Variants in WDR49 observed in about 807,000 individuals in gnomAD.
WDR49 encodes the protein cilia- and flagella-associated protein 337.
Under a neutral mutation model 119.5 loss-of-function variants are expected in WDR49, and 107 were observed. The ratio of observed to expected loss-of-function variants is 0.90; its 90% confidence interval spans 0.77 to 1.05. WDR49 has a LOEUF of 1.05. Ranked by LOEUF, WDR49 falls within the 50% of genes least tolerant of loss-of-function variation. WDR49 has a pLI of 0.00. For synonymous variants in WDR49, 425 were observed against 418.8 expected, an observed-to-expected ratio of 1.01 and a Z score of -0.18; for missense variants, 1,240 against 1,220.5, an observed-to-expected ratio of 1.02 and a Z score of -0.24.
chr3:167,562,435 C>T (rs978817721), intron 8 of WDR49, among the ~76,000 whole-genome samples: 4 of 152,086 alleles, frequency 2.6e-5, no homozygotes, highest in African/African-American at 9.7e-5. Flanking sequence ...TCCTTTTAGC[C>T]CTTTTTTTCC....
At chr3:167,517,079 G>A (rs1353088784) in intron 16 of WDR49, among the ~76,000 whole-genome samples, 2 of 152,208 alleles carry the variant, frequency 1.3e-5, no homozygotes, top group African/African-American at 4.8e-5. Context: ...AGGTGCTGGA[G>A]AGGATGTGGG....
intron 18 of WDR49, among the ~76,000 whole-genome samples, chr3:167,493,821 T>C (rs911664980): frequency 1.3e-5 from 2 of 152,212 alleles, no homozygotes; most frequent in Non-Finnish European, 2.9e-5. Context: ...CTTTCTTTAG[T>C]AGGTGTCCCA....
intron 5 of WDR49, among the ~76,000 whole-genome samples, chr3:167,608,485 C>T (rs1716170648): frequency 6.6e-6 from 1 of 152,146 alleles, no homozygotes; most frequent in Non-Finnish European, 1.5e-5. Context: ...TACAAAACGA[C>T]ATTTATGGGC....
chr3:167,502,551 A>G (rs1751614000), intron 17 of WDR49, among the ~76,000 whole-genome samples: 1 of 152,232 alleles, frequency 6.6e-6, no homozygotes, highest in Non-Finnish European at 1.5e-5. Flanking sequence ...TGATGTGGAC[A>G]GTGAAGTACA....
At chr3:167,552,930 C>G (rs898043665) in intron 10 of WDR49, among the ~76,000 whole-genome samples, 2 of 152,108 alleles carry the variant, frequency 1.3e-5, no homozygotes, top group East Asian at 1.9e-4. Flanking sequence ...GACTCTAAAA[C>G]AAGGTATTGA....
At chr3:167,653,597 G>C (rs1187892026) in intron 1 of WDR49, 98 bp from the exon 2 acceptor site, 3 of 657,190 alleles carry the variant, frequency 4.6e-6, no homozygotes, top group Non-Finnish European at 7.1e-6. Flanking sequence ...AGCTGAGGTA[G>C]GAAATGAAAG....
intron 5 of WDR49, among the ~76,000 whole-genome samples, chr3:167,611,144 C>T (rs1352637505): frequency 1.3e-5 from 2 of 151,994 alleles, no homozygotes; most frequent in East Asian, 1.9e-4. Context: ...ATTTTCAAGG[C>T]ATAATCAGTA....
At chr3:167,544,931 C>T (rs577197703) in intron 10 of WDR49, among the ~76,000 whole-genome samples, 9 of 151,994 alleles carry the variant, frequency 5.9e-5, no homozygotes, top group South Asian at 4.2e-4. Flanking sequence ...AGAAAATCTT[C>T]GCAAACCATG....
intron 16 of WDR49, among the ~76,000 whole-genome samples, chr3:167,519,825 T>A (rs1752366640): frequency 1.3e-5 from 2 of 152,130 alleles, no homozygotes; most frequent in South Asian, 4.1e-4. Context: ...ATATCAGCAC[T>A]GATTTTCATA....
upstream of WDR49, among the ~76,000 whole-genome samples, chr3:167,654,420 T>G (rs1012673717): frequency 2.6e-5 from 4 of 152,122 alleles, no homozygotes; most frequent in Admixed American, 6.5e-5. Flanking sequence ...AATGATAAAA[T>G]TGCTTGCAGT....
At position 167,627,014 on chromosome 3, in the gene WDR49, G is replaced by T. The variant is rs1034895154; in HGVS notation, c.444C>A (p.Phe148Leu). Residue 148 changes from phenylalanine to leucine, a missense_variant, in exon 3 of 19, where the codon TTC becomes TTA. Physicochemically the swap from Phe to Leu is conservative, Grantham distance 22. Transcript: ENST00000682715. Reference sequence around the variant, plus strand: ...TCAGATAATGACTTGAATTTTTTAAGAAAATTACTTTTTGAATGGTGTCCT... The same window carrying T: ...TCAGATAATGACTTGAATTTTTTAATAAAATTACTTTTTGAATGGTGTCCT... ...KHKDTIQKVIFLKNSSHYLTI... is the reference protein window; with the variant it reads ...KHKDTIQKVILLKNSSHYLTI... The T allele has an allele frequency of 7.5e-7, 1 of 1,326,830 alleles. No homozygotes were observed. Among genetic ancestry groups the T allele is most frequent in the Non-Finnish European group, 9.6e-7 (1 of 1,040,106 alleles). The allele number at this position is 1,326,830 out of a possible 1,614,324, so 82.2% of individuals were successfully genotyped here.
At chr3:167,496,516 G>T (rs1263331645) in intron 18 of WDR49, among the ~76,000 whole-genome samples, 1 of 151,600 alleles carries the variant, frequency 6.6e-6, no homozygotes, top group Non-Finnish European at 1.5e-5. Context: ...ATCTAGCTCG[G>T]GTATACTCTG....
chr3:167,605,787 ATAGG>A (rs1716033151), intron 5 of WDR49, among the ~76,000 whole-genome samples: 1 of 152,216 alleles, frequency 6.6e-6, no homozygotes, highest in South Asian at 2.1e-4. Flanking sequence ...TCTATATCTC[ATAGG>A]TAAAGAAATA....
chr3:167,553,057 C>T (rs971677484), intron 10 of WDR49, among the ~76,000 whole-genome samples: 11 of 152,022 alleles, frequency 7.2e-5, no homozygotes, highest in Non-Finnish European at 1.3e-4. Flanking sequence ...CAGTTTCCTG[C>T]CCTCTTGCCT....
At chr3:167,532,741 C>T (rs1752894030) in intron 12 of WDR49, 138 bp downstream of exon 12, 1 of 555,818 alleles carries the variant, frequency 1.8e-6, no homozygotes. Flanking sequence ...TTTGGCAAGA[C>T]AATGATATCC....
At chr3:167,605,743 G>A (rs1716030903) in intron 5 of WDR49, among the ~76,000 whole-genome samples, 2 of 152,106 alleles carry the variant, frequency 1.3e-5, no homozygotes, top group Non-Finnish European at 2.9e-5. Flanking sequence ...GGAAACAAAA[G>A]GTAAATTGAG....
At chr3:167,600,862 T>C (rs1715736572) in intron 7 of WDR49, among the ~76,000 whole-genome samples, 1 of 152,118 alleles carries the variant, frequency 6.6e-6, no homozygotes, top group Admixed American at 6.6e-5. Flanking sequence ...TTTGATATGA[T>C]TGGAGCATTA....
chr3:167,546,951 A>C (rs1037831196), intron 10 of WDR49, among the ~76,000 whole-genome samples: 1 of 151,902 alleles, frequency 6.6e-6, no homozygotes, highest in Non-Finnish European at 1.5e-5. Flanking sequence ...GATATAATTC[A>C]GCTTATTTTT....
chr3:167,562,241 G>T (rs1577241555), intron 8 of WDR49, among the ~76,000 whole-genome samples: 2 of 152,106 alleles, frequency 1.3e-5, no homozygotes, highest in East Asian at 3.9e-4. Context: ...GATACTTCTT[G>T]CAGCAATGTG....
Sources: gnomAD v4.1 joint callset for allele counts (sites outside exome capture counted in the v4.1 genomes callset) on GRCh38, gnomAD v4.1.1 for gene constraint, MANE v1.5 for transcripts, NCBI Gene and HGNC (gene_info 2026-07-23, HGNC 2026-07-21) for gene names.